BNC2: variants seen among roughly 807,000 people sequenced by gnomAD.
BNC2 encodes the protein basonuclin zinc finger protein 2.
In BNC2, 20 loss-of-function variants were observed where a neutral mutation model predicts 76.3. That is an observed-to-expected ratio of 0.26 (90% CI 0.18 to 0.38). The LOEUF (loss-of-function observed/expected upper bound fraction) is 0.38. Ranked by LOEUF, BNC2 falls within the 10% of genes least tolerant of loss-of-function variation. The probability of loss-of-function intolerance (pLI) is 1.00; values close to 1 mark genes in which losing one functional copy is unlikely to be tolerated. For missense variants in BNC2, 1,382 were observed against 1,399.8 expected (o/e 0.99, Z 0.20); for synonymous variants, 582 against 514.8 (o/e 1.13, Z -1.77).
At chr9:16,675,579 G>T (rs1466540325) in intron 3 of BNC2, among the ~76,000 whole-genome samples, 1 of 151,950 alleles carries the variant, frequency 6.6e-6, no homozygotes, top group African/African-American at 2.4e-5. Context: ...TCGAAGAAAA[G>T]AAAAAATTTA....
At chr9:16,525,076 AG>A (rs71325975) in intron 5 of BNC2, among the ~76,000 whole-genome samples, 5,606 of 133,748 alleles carry the variant, frequency 0.042, 396 homozygotes, top group African/African-American at 0.14. Context: ...GGAGTGGGGG[AG>A]GGGGGGGGAA....
intron 1 of BNC2, among the ~76,000 whole-genome samples, chr9:16,837,317 A>G (rs1818729997): frequency 2.0e-5 from 3 of 152,258 alleles, no homozygotes; most frequent in Admixed American, 2.0e-4. Flanking sequence ...CAGCCTGGCC[A>G]ACATAGTGAA....
intron 3 of BNC2, among the ~76,000 whole-genome samples, chr9:16,651,156 T>C (rs1335250505): frequency 1.3e-5 from 2 of 152,202 alleles, no homozygotes; most frequent in Non-Finnish European, 2.9e-5. Flanking sequence ...AATGGTCATC[T>C]TAAGCTATAC....
chr9:16,614,637 G>T, intron 3 of BNC2, among the ~76,000 whole-genome samples: 1 of 118,564 alleles, frequency 8.4e-6, no homozygotes, highest in East Asian at 2.7e-4. Flanking sequence ...TGATATGGAA[G>T]AGCTACATGC....
chr9:16,773,235 C>A (rs984196312), intron 1 of BNC2, among the ~76,000 whole-genome samples: 16 of 152,154 alleles, frequency 1.1e-4, no homozygotes, highest in African/African-American at 3.6e-4. Flanking sequence ...CTACTGAACT[C>A]CAGATCATAC....
intron 1 of BNC2, among the ~76,000 whole-genome samples, chr9:16,793,648 CTTTTTTTTTTTTTTTTTTT>C (rs71327860): frequency 5.4e-5 from 3 of 55,782 alleles, no homozygotes; most frequent in African/African-American, 1.7e-4. Flanking sequence ...CCTTCCACAT[CTTTTTTTTTTTTTTTTTTT>C]TTTTTTTTTT....
intron 1 of BNC2, 87 bp from the exon 2 acceptor site, chr9:16,738,572 A>G (rs1167718353): frequency 9.9e-6 from 14 of 1,416,472 alleles, no homozygotes; most frequent in Non-Finnish European, 1.4e-5. Context: ...AAGAAATTGC[A>G]AATATAACAC....
intron 3 of BNC2, among the ~76,000 whole-genome samples, chr9:16,648,838 T>G (rs1482334552): frequency 6.6e-6 from 1 of 152,192 alleles, no homozygotes. Flanking sequence ...TAGGAATAGT[T>G]TTTTAGCAGA....
intron 3 of BNC2, among the ~76,000 whole-genome samples, chr9:16,641,718 G>A (rs1350002075): frequency 6.6e-6 from 1 of 152,050 alleles, no homozygotes. Context: ...ATTTCAATGG[G>A]GGCATATGGA....
intron 5 of BNC2, among the ~76,000 whole-genome samples, chr9:16,497,891 G>A (rs1156234235): frequency 1.3e-5 from 2 of 151,452 alleles, no homozygotes; most frequent in African/African-American, 4.8e-5. Context: ...ACTTGTACAT[G>A]CATGTTTACA....
chr9:16,618,368 T>G (rs1374000170), intron 3 of BNC2, among the ~76,000 whole-genome samples: 1 of 152,216 alleles, frequency 6.6e-6, no homozygotes, highest in East Asian at 1.9e-4. Context: ...TCCTGTGGAC[T>G]GCTTTTTAGA....
chr9:16,721,078 G>C (rs966822178), intron 3 of BNC2, among the ~76,000 whole-genome samples: 2 of 152,102 alleles, frequency 1.3e-5, no homozygotes, highest in African/African-American at 4.8e-5. Flanking sequence ...GGCAGTACAG[G>C]TCAGGCTCAA....
chr9:16,581,845 T>C (rs1342799205), intron 4 of BNC2, among the ~76,000 whole-genome samples: 1 of 152,126 alleles, frequency 6.6e-6, no homozygotes, highest in Non-Finnish European at 1.5e-5. Flanking sequence ...TCTATCCCTG[T>C]GGGCATGAAG....
intron 3 of BNC2, among the ~76,000 whole-genome samples, chr9:16,677,224 G>A (rs544022970): frequency 6.6e-6 from 1 of 152,234 alleles, no homozygotes; most frequent in South Asian, 2.1e-4. Flanking sequence ...TCAAGAGATA[G>A]GCTGAAGAAC....
rs900868366 is a variant in BNC2 at position 16,807,005 on chromosome 9, TTC to T, written c.3+63639_3+63640del. Among the ~76,000 whole-genome samples the T allele has an allele frequency of 5.0e-5, 5 of 100,798 alleles. 1 individual carries two copies. The highest frequency in any genetic ancestry group is 1.6e-4 in the Admixed American group (2 of 12,266). 66.1% of individuals were successfully genotyped at this position (100,798 alleles called of 152,430 possible). A position where few individuals can be genotyped will look rare whatever the true frequency, so the allele number is the denominator to read the frequency against. Reference sequence around the variant, plus strand: ...CTTTGATAAGAAATAGTCTACTTTCTTCTCTTTTTTTCAGGTTAGACCCAATG... The same window carrying T: ...CTTTGATAAGAAATAGTCTACTTTCTTCTTTTTTTCAGGTTAGACCCAATG... On this transcript the variant is annotated intron_variant, in intron 1 of 6. Coordinates refer to ENST00000380672, the MANE Select transcript of BNC2 (RefSeq NM_017637.6).
chr9:16,844,379 TC>T (rs1250285628), intron 1 of BNC2, among the ~76,000 whole-genome samples: 1 of 151,530 alleles, frequency 6.6e-6, no homozygotes, highest in East Asian at 1.9e-4. Flanking sequence ...AATTCAGTGT[TC>T]AATCAAGTAC....
At chr9:16,823,427 CAAAA>C (rs34451487) in intron 1 of BNC2, among the ~76,000 whole-genome samples, 2 of 113,116 alleles carry the variant, frequency 1.8e-5, no homozygotes. Context: ...CCTGTCTCTA[CAAAA>C]AAAAAAAAAA....
chr9:16,701,509 A>G (rs1253622300), intron 3 of BNC2, among the ~76,000 whole-genome samples: 1 of 152,216 alleles, frequency 6.6e-6, no homozygotes. Flanking sequence ...TTAGTTAACA[A>G]TTTTCATTTT....
chr9:16,563,439 C>T (rs902021359), intron 4 of BNC2, among the ~76,000 whole-genome samples: 6 of 151,350 alleles, frequency 4.0e-5, no homozygotes, highest in Non-Finnish European at 7.4e-5. Flanking sequence ...GCCAACAGAG[C>T]GAAACCCTGT....
Sources: allele counts gnomAD v4.1 joint callset (sites outside exome capture counted in the v4.1 genomes callset), GRCh38; gene constraint gnomAD v4.1.1; transcripts MANE v1.5; gene names NCBI Gene and HGNC (gene_info 2026-07-23, HGNC 2026-07-21).